AHCTF1: variants seen among roughly 807,000 people sequenced by gnomAD.
AHCTF1 encodes the protein AT-hook containing transcription factor 1.
In AHCTF1, 24 loss-of-function variants were observed where a neutral mutation model predicts 248.4. The observed-to-expected ratio is 0.10, with a 90% CI of 0.07 to 0.14. The LOEUF is 0.14. Ranked by LOEUF, AHCTF1 falls within the 10% of genes least tolerant of loss-of-function variation. The pLI, the probability that AHCTF1 is intolerant of heterozygous loss-of-function variation, is 1.00. For missense variants in AHCTF1, 2,206 were observed against 2,636.2 expected, an observed-to-expected ratio of 0.84 and a Z score of 3.57; for synonymous variants, 786 against 929.8, an observed-to-expected ratio of 0.85 and a Z score of 2.81.
intron 21 of AHCTF1, 127 bp from the exon 22 acceptor site, chr1:246,877,429 T>G (rs940800835): frequency 1.9e-6 from 2 of 1,071,024 alleles, no homozygotes; most frequent in East Asian, 5.5e-5. Flanking sequence ...AAAAGTACTT[T>G]AAAAATTTGT....
intron 4 of AHCTF1, among the ~76,000 whole-genome samples, chr1:246,909,934 AATT>A (rs1665681266): frequency 6.6e-6 from 1 of 152,154 alleles, no homozygotes; most frequent in Non-Finnish European, 1.5e-5. Context: ...TGGAGGACAA[AATT>A]CACCCCCTGC....
chr1:246,930,553 ACT>A (rs1184908605), intron 1 of AHCTF1, among the ~76,000 whole-genome samples: 5 of 150,444 alleles, frequency 3.3e-5, no homozygotes, highest in East Asian at 2.0e-4. Flanking sequence ...CTCCTAAGAG[ACT>A]CTATCAGTGA....
At chr1:246,887,898 C>G (rs751614611) in intron 19 of AHCTF1, among the ~76,000 whole-genome samples, 3 of 152,134 alleles carry the variant, frequency 2.0e-5, no homozygotes, top group Non-Finnish European at 4.4e-5. Flanking sequence ...TTTAGAGCAA[C>G]TGTTGTTAAC....
At chr1:246,929,768 T>C (rs964857909) in intron 1 of AHCTF1, among the ~76,000 whole-genome samples, 2 of 152,108 alleles carry the variant, frequency 1.3e-5, no homozygotes, top group Non-Finnish European at 2.9e-5. Context: ...AATATATCTG[T>C]ACCAGCCGGG....
chr1:246,908,902 GAA>G (rs1240803447), intron 4 of AHCTF1, among the ~76,000 whole-genome samples: 2 of 83,996 alleles, frequency 2.4e-5, no homozygotes. Flanking sequence ...CGTCTCAAAA[GAA>G]AAAAAAAAAA....
At chr1:246,892,709 G>A (rs1477367694) in intron 14 of AHCTF1, among the ~76,000 whole-genome samples, 2 of 152,144 alleles carry the variant, frequency 1.3e-5, no homozygotes, top group African/African-American at 4.8e-5. Flanking sequence ...ACAGCTCACT[G>A]CACTCTCAAA....
chr1:246,922,982 CAAA>C (rs34313695), intron 1 of AHCTF1, among the ~76,000 whole-genome samples: 91 of 63,930 alleles, frequency 1.4e-3, no homozygotes, highest in African/African-American at 5.3e-3. Context: ...GACTCTGTCT[CAAA>C]AAAAAAAAAA....
chr1:246,846,121 T>C (rs141851014), intron 33 of AHCTF1, among the ~76,000 whole-genome samples: 2,197 of 148,514 alleles, frequency 0.015, 20 homozygotes, highest in Non-Finnish European at 0.024. Context: ...CTTAGGTATA[T>C]AGCAGGCCCT....
chr1:246,879,844 A>T (rs1230594816), intron 21 of AHCTF1, among the ~76,000 whole-genome samples: 1 of 151,906 alleles, frequency 6.6e-6, no homozygotes, highest in African/African-American at 2.4e-5. Context: ...CCCGCCAAAA[A>T]AAAAGGGAGA....
chr1:246,853,792 A>T (rs1366518874), intron 31 of AHCTF1, among the ~76,000 whole-genome samples: 1 of 149,428 alleles, frequency 6.7e-6, no homozygotes, highest in Non-Finnish European at 1.5e-5. Context: ...AAACATCAAT[A>T]AAAAAGCACA....
At chr1:246,928,937 T>G (rs569064730) in intron 1 of AHCTF1, among the ~76,000 whole-genome samples, 1 of 152,364 alleles carries the variant, frequency 6.6e-6, no homozygotes, top group African/African-American at 2.4e-5. Flanking sequence ...AACACCGTGT[T>G]AGTAAAGGAA....
intron 11 of AHCTF1, 37 bp downstream of exon 11, chr1:246,899,414 C>T: frequency 6.7e-7 from 1 of 1,502,242 alleles, no homozygotes. Flanking sequence ...TAAGATCTGA[C>T]TTCAGTTCAA....
intron 20 of AHCTF1, among the ~76,000 whole-genome samples, chr1:246,886,498 T>C (rs988831937): frequency 2.0e-5 from 3 of 152,132 alleles, no homozygotes; most frequent in Non-Finnish European, 2.9e-5. Flanking sequence ...AAATACCCAA[T>C]GAAATGTAAA....
intron 35 of AHCTF1, 25 bp from the exon 36 acceptor site, chr1:246,841,023 T>G (rs1326623059): frequency 6.3e-7 from 1 of 1,576,012 alleles, no homozygotes; most frequent in African/African-American, 1.4e-5. Flanking sequence ...TATGATCAAG[T>G]AAGAATAAAC....
At chr1:246,889,936 GATGTA>G (rs1301257667) in intron 17 of AHCTF1, 25 bp downstream of exon 17, 1 of 1,525,920 alleles carries the variant, frequency 6.6e-7, no homozygotes, top group Non-Finnish European at 9.0e-7. Flanking sequence ...ACTTCTTACA[GATGTA>G]ATTTCTAAAA....
Position 246,850,345 on chromosome 1 carries a change from A to C in AHCTF1, c.5661T>G (p.Ile1887Met). The C allele has an allele frequency of 1.2e-6, 2 of 1,613,498 alleles. No individual in the cohort carries two copies. Among genetic ancestry groups the C allele is most frequent in the Non-Finnish European group, 1.7e-6 (2 of 1,179,760 alleles). ...CCGTACTAACTTTTAGATCATTTAT[A>C]ATTTCAACACTTTCCTGATTTTCTA... is the stretch of plus-strand genomic sequence containing the variant. Reference protein sequence around the residue: ...RSVENQESVEIINDLKVSTVT... With the variant: ...RSVENQESVEMINDLKVSTVT... Residue 1887 changes from isoleucine to methionine, a missense_variant, in exon 33 of 36, where the codon ATT becomes ATG. Ile to Met is a conservative substitution (Grantham distance 10, BLOSUM62 1). Coordinates refer to ENST00000648844, the MANE Select transcript of AHCTF1 (RefSeq NM_001323342.2).
chr1:246,861,345 A>G, intron 28 of AHCTF1, 50 bp from the exon 29 acceptor site: 1 of 1,480,238 alleles, frequency 6.8e-7, no homozygotes, highest in Non-Finnish European at 9.1e-7. Context: ...ATCACAGTTA[A>G]GTCTAGTCCT....
chr1:246,918,429 T>A, intron 1 of AHCTF1, 52 bp from the exon 2 acceptor site: 1 of 1,490,546 alleles, frequency 6.7e-7, no homozygotes. Context: ...GTAGACAATA[T>A]ACTTGATTAT....
chr1:246,868,634 ATTCT>A (rs1662222409), intron 24 of AHCTF1, among the ~76,000 whole-genome samples: 1 of 148,352 alleles, frequency 6.7e-6, no homozygotes, highest in African/African-American at 2.5e-5. Context: ...AAAAAAAGTT[ATTCT>A]TTGTGTTTTC....
Sources: gnomAD v4.1 joint callset for allele counts (sites outside exome capture counted in the v4.1 genomes callset) on GRCh38, gnomAD v4.1.1 for gene constraint, MANE v1.5 for transcripts, NCBI Gene and HGNC (gene_info 2026-07-23, HGNC 2026-07-21) for gene names.